ARHGAP24: variants seen among roughly 807,000 people sequenced by gnomAD.
ARHGAP24 encodes rho GTPase-activating protein 24.
A neutral mutation model predicts 76.4 loss-of-function variants in ARHGAP24; 50 were observed. That is an observed-to-expected ratio of 0.65 (90% confidence interval 0.52 to 0.83). The LOEUF (loss-of-function observed/expected upper bound fraction) is 0.83. Among genes scored for constraint, ARHGAP24 ranks in the 40% least tolerant of loss-of-function variants. The probability of loss-of-function intolerance (pLI) is 0.00; values close to 1 mark genes in which losing one functional copy is unlikely to be tolerated. For missense variants in ARHGAP24, 930 were observed against 914.2 expected (o/e 1.02, Z -0.22); for synonymous variants, 345 against 323.3 (o/e 1.07, Z -0.72).
At chr4:85,893,462 T>C (rs1214938741) in intron 3 of ARHGAP24, among the ~76,000 whole-genome samples, 1 of 46,064 alleles carries the variant, frequency 2.2e-5, no homozygotes, top group Non-Finnish European at 4.7e-5. Context: ...GTCTCGATGG[T>C]CTTTACATTT....
At chr4:85,977,521 T>C (rs1191529476) in intron 7 of ARHGAP24, 49 bp from the exon 8 acceptor site, 1 of 1,601,454 alleles carries the variant, frequency 6.2e-7, no homozygotes, top group Non-Finnish European at 8.5e-7. Flanking sequence ...TTTCTTCCAC[T>C]GGCAAATTTG....
At chr4:85,709,612 A>T (rs1159939164) in intron 2 of ARHGAP24, among the ~76,000 whole-genome samples, 1 of 147,708 alleles carries the variant, frequency 6.8e-6, no homozygotes, top group Non-Finnish European at 1.5e-5. Context: ...TTAGCATTTT[A>T]TTAATGACCC....
chr4:85,712,966 C>T (rs1455170338), intron 2 of ARHGAP24, among the ~76,000 whole-genome samples: 3 of 152,158 alleles, frequency 2.0e-5, no homozygotes, highest in Non-Finnish European at 4.4e-5. Flanking sequence ...TGCCCCTGTG[C>T]AACCCTGCCG....
intron 5 of ARHGAP24, among the ~76,000 whole-genome samples, chr4:85,961,352 GT>G (rs1738236409): frequency 6.6e-6 from 1 of 152,090 alleles, no homozygotes; most frequent in African/African-American, 2.4e-5. Context: ...GCAATAACTT[GT>G]TGACTCAACT....
intron 1 of ARHGAP24, among the ~76,000 whole-genome samples, chr4:85,562,122 A>G (rs1726622554): frequency 6.6e-6 from 1 of 152,210 alleles, no homozygotes; most frequent in Non-Finnish European, 1.5e-5. Context: ...TTTGGATTTA[A>G]CTCTGAGTGG....
At chr4:85,930,148 T>C (rs1033391110) in intron 4 of ARHGAP24, 17 of 733,026 alleles carry the variant, frequency 2.3e-5, no homozygotes, top group South Asian at 6.2e-5. Flanking sequence ...CCAGTTCTCA[T>C]TGAGAAAAGG....
intron 3 of ARHGAP24, among the ~76,000 whole-genome samples, chr4:85,737,579 G>T (rs1421826909): frequency 6.6e-6 from 1 of 152,132 alleles, no homozygotes; most frequent in African/African-American, 2.4e-5. Flanking sequence ...GTGCAATATT[G>T]CCATGTTCTT....
In ARHGAP24 at chr4:85,974,935, T is replaced by C. The variant is rs777612257; in HGVS notation, c.780T>C (p.Asn260=). The C allele has an allele frequency of 2.3e-5, 37 of 1,613,744 alleles. No individual in the cohort carries two copies. The highest frequency in any genetic ancestry group is 2.9e-5 in the Non-Finnish European group (34 of 1,179,884). The change falls in exon 7 of 10, where the codon AAT becomes AAC. Residue 260 remains asparagine (N), a synonymous_variant. Coordinates refer to ENST00000395184, the MANE Select transcript of ARHGAP24 (RefSeq NM_001025616.3). ...AKQVKSLPVV[N]YNLLKYICRF... is the part of the protein sequence containing the mutation. The stretch of plus-strand genomic sequence containing the variant: ...AGGTGAAGAGTTTGCCAGTGGTAAA[T>C]TACAACCTCCTCAAGTATATTTGCA...
chr4:85,591,504 G>A (rs1418954565), intron 2 of ARHGAP24, among the ~76,000 whole-genome samples: 1 of 152,148 alleles, frequency 6.6e-6, no homozygotes, highest in Non-Finnish European at 1.5e-5. Flanking sequence ...ATAGCAAAGT[G>A]TAATACTGCA....
At chr4:85,995,828 G>T (rs572372012) in intron 9 of ARHGAP24, among the ~76,000 whole-genome samples, 171 bp downstream of exon 9, 2 of 152,120 alleles carry the variant, frequency 1.3e-5, no homozygotes, top group African/African-American at 2.4e-5. Flanking sequence ...ATCTCTGTGA[G>T]CTTTGATTCC....
At chr4:85,934,465 A>G (rs933195991) in intron 4 of ARHGAP24, among the ~76,000 whole-genome samples, 1 of 152,124 alleles carries the variant, frequency 6.6e-6, no homozygotes, top group South Asian at 2.1e-4. Context: ...TTCTCTGTTT[A>G]CCAATTATAT....
chr4:85,567,464 T>C (rs1013295779), intron 1 of ARHGAP24, among the ~76,000 whole-genome samples: 1 of 152,236 alleles, frequency 6.6e-6, no homozygotes, highest in Admixed American at 6.5e-5. Flanking sequence ...ATCAGTTTTC[T>C]GTATATTTTT....
At chr4:85,857,272 G>T (rs1352983654) in intron 3 of ARHGAP24, among the ~76,000 whole-genome samples, 1 of 152,072 alleles carries the variant, frequency 6.6e-6, no homozygotes, top group African/African-American at 2.4e-5. Context: ...CAGAACAAAG[G>T]TTCTTTCATA....
chr4:85,841,541 G>A (rs1160902290), intron 3 of ARHGAP24, among the ~76,000 whole-genome samples: 1 of 152,146 alleles, frequency 6.6e-6, no homozygotes, highest in African/African-American at 2.4e-5. Flanking sequence ...AGAGATTATT[G>A]TTATCATTAT....
At chr4:85,679,810 A>G (rs944518268) in intron 2 of ARHGAP24, among the ~76,000 whole-genome samples, 3 of 152,130 alleles carry the variant, frequency 2.0e-5, no homozygotes, top group Admixed American at 6.6e-5. Flanking sequence ...GAGTCTCAAT[A>G]GTGTCTGTCT....
intron 2 of ARHGAP24, among the ~76,000 whole-genome samples, chr4:85,612,346 G>A (rs1263913862): frequency 9.6e-6 from 1 of 103,790 alleles, no homozygotes; most frequent in East Asian, 1.4e-3. Context: ...GAACCTAGGA[G>A]TTCACTGCAG....
Position 85,498,606 on chromosome 4 carries a change from G to A in ARHGAP24, c.-21+23047G>A, listed in dbSNP as rs371590545. On this transcript the variant is annotated intron_variant, in intron 1 of 9. Transcript: ENST00000395184. ...AAGGAAGTGAGGAGACCACAGGCCC[G>A]TGTAGTCATCTTAGCCACAAGGAAG... Among the ~76,000 whole-genome samples, 7 of 152,264 alleles carry A rather than the reference G, an allele frequency of 4.6e-5. No individual in the cohort carries two copies. In the East Asian group the frequency reaches 7.7e-4, roughly 17 times the overall value.
chr4:85,666,365 C>T (rs1007370067), intron 2 of ARHGAP24, among the ~76,000 whole-genome samples: 3 of 152,184 alleles, frequency 2.0e-5, no homozygotes, highest in Non-Finnish European at 4.4e-5. Context: ...AAGCACTTCT[C>T]TGTATTGGTT....
rs7667138 is a variant in ARHGAP24 at position 85,899,138 on chromosome 4, C to T, written c.269-24510C>T. ...ACCTTTTCTGGGAATTTTTAAAGCA[C>T]AAGCTAATGAGTAATGTCTTCAAGG... On this transcript the variant is annotated intron_variant, in intron 3 of 9. Transcript: ENST00000395184. Among the ~76,000 whole-genome samples, 889 of 152,236 alleles carry T rather than the reference C, an allele frequency of 5.8e-3. 8 individuals are homozygous for T. Among genetic ancestry groups the T allele is most frequent in the African/African-American group, 0.018 (762 of 41,538 alleles).
Sources: gnomAD v4.1 joint callset for allele counts (sites outside exome capture counted in the v4.1 genomes callset) on GRCh38, gnomAD v4.1.1 for gene constraint, MANE v1.5 for transcripts, NCBI Gene and HGNC (gene_info 2026-07-23, HGNC 2026-07-21) for gene names.